Variants in NPSR1 observed in about 807,000 individuals in gnomAD.
NPSR1 encodes neuropeptide S receptor.
In NPSR1, 48 loss-of-function variants were observed where a neutral mutation model predicts 46.9. That is an observed-to-expected ratio of 1.02 (90% CI 0.81 to 1.30). The LOEUF is 1.30. Ranked by LOEUF, NPSR1 falls within the 50% of genes most tolerant of loss-of-function variation. NPSR1 has a pLI of 0.00. For missense variants in NPSR1, 450 were observed against 449.5 expected, an observed-to-expected ratio of 1.00 and a Z score of -0.01; for synonymous variants, 176 against 168.1, an observed-to-expected ratio of 1.05 and a Z score of -0.36.
intron 2 of NPSR1, among the ~76,000 whole-genome samples, chr7:34,770,219 T>A (rs1471221212): frequency 1.3e-5 from 2 of 152,216 alleles, no homozygotes; most frequent in East Asian, 3.8e-4. Context: ...AATATCCAAG[T>A]AACTCCCAAG....
chr7:34,678,884 A>C (rs1336603608), intron 1 of NPSR1, among the ~76,000 whole-genome samples: 1 of 152,174 alleles, frequency 6.6e-6, no homozygotes, highest in African/African-American at 2.4e-5. Flanking sequence ...TAAACAATGG[A>C]AAGCAGAATA....
At chr7:34,677,235 G>T (rs553467828) in intron 1 of NPSR1, among the ~76,000 whole-genome samples, 1 of 152,272 alleles carries the variant, frequency 6.6e-6, no homozygotes, top group Non-Finnish European at 1.5e-5. Context: ...GCCCACTGGG[G>T]ACCAGAAGCC....
downstream of NPSR1, among the ~76,000 whole-genome samples, chr7:34,853,769 A>T (rs1454576220): frequency 6.6e-6 from 1 of 152,138 alleles, no homozygotes; most frequent in African/African-American, 2.4e-5. Flanking sequence ...GTTCGAGACC[A>T]TCCCAGTCAA....
chr7:34,746,828 A>C (rs1785226299), intron 2 of NPSR1, among the ~76,000 whole-genome samples: 1 of 152,064 alleles, frequency 6.6e-6, no homozygotes, highest in Non-Finnish European at 1.5e-5. Context: ...CAAGAGCTTA[A>C]ACATGGAGGC....
chr7:34,852,428 G>A (rs13340537), downstream of NPSR1, among the ~76,000 whole-genome samples: 381 of 152,152 alleles, frequency 2.5e-3, no homozygotes, highest in African/African-American at 8.9e-3. Flanking sequence ...GGGCATTGAT[G>A]GTCTCATCTG....
chr7:34,871,722 A>T (rs1319971408), intron 8 of NPSR1: 2 of 151,982 alleles, frequency 1.3e-5, no homozygotes, highest in African/African-American at 4.9e-5. Context: ...ACCAAGAAGG[A>T]CAGTCATCAC....
chr7:34,742,281 T>C (rs1441379007), intron 2 of NPSR1, among the ~76,000 whole-genome samples: 1 of 152,106 alleles, frequency 6.6e-6, no homozygotes, highest in African/African-American at 2.4e-5. Flanking sequence ...TTAAGCCCAG[T>C]ACCCAATAGT....
intron 6 of NPSR1, among the ~76,000 whole-genome samples, chr7:34,842,409 T>A (rs1004347793): frequency 6.6e-6 from 1 of 152,196 alleles, no homozygotes; most frequent in Non-Finnish European, 1.5e-5. Flanking sequence ...GCCCTGTGCA[T>A]TGAAGGATGT....
At chr7:34,687,956 G>C (rs1044699029) in intron 2 of NPSR1, among the ~76,000 whole-genome samples, 4 of 152,146 alleles carry the variant, frequency 2.6e-5, no homozygotes, top group African/African-American at 4.8e-5. Context: ...AAACTGGAAG[G>C]CTGAAAACCT....
intron 2 of NPSR1, among the ~76,000 whole-genome samples, chr7:34,696,078 T>TTAA (rs1246926117): frequency 8.8e-6 from 1 of 113,890 alleles, no homozygotes; most frequent in Non-Finnish European, 1.9e-5. Flanking sequence ...GTTGATTTGA[T>TTAA]AAAAAAAAAA....
chr7:34,748,710 T>C (rs562542486), intron 2 of NPSR1, among the ~76,000 whole-genome samples: 2 of 152,142 alleles, frequency 1.3e-5, no homozygotes, highest in South Asian at 2.1e-4. Flanking sequence ...CTCTTTCAGT[T>C]TGTGTGCGTG....
At chr7:34,669,834 C>T (rs10280911) in intron 1 of NPSR1, among the ~76,000 whole-genome samples, 106 of 152,316 alleles carry the variant, frequency 7.0e-4, no homozygotes, top group African/African-American at 2.5e-3. Flanking sequence ...AGGACAAGAA[C>T]TGCAATCTCT....
At chr7:34,700,056 T>A (rs1779272441) in intron 2 of NPSR1, among the ~76,000 whole-genome samples, 2 of 151,982 alleles carry the variant, frequency 1.3e-5, no homozygotes, top group African/African-American at 4.8e-5. Flanking sequence ...CATGGCCAGG[T>A]TTTGCTGGTA....
intron 2 of NPSR1, among the ~76,000 whole-genome samples, chr7:34,712,024 G>A (rs1176137641): frequency 6.6e-6 from 1 of 152,166 alleles, no homozygotes; most frequent in Non-Finnish European, 1.5e-5. Flanking sequence ...ATCCTCATAT[G>A]ATCTGATCTC....
In NPSR1 at chr7:34,658,444, A is replaced by G. The variant is rs375686103; in HGVS notation, c.32A>G (p.Asp11Gly). The change falls in exon 1 of 9, where the codon GAT becomes GGT. Residue 11 changes from aspartate to glycine, a missense_variant. Coordinates refer to ENST00000360581, the MANE Select transcript of NPSR1 (RefSeq NM_207172.2). Reference protein sequence around the residue: MPANFTEGSFDSSGTGQTLDS... With the variant: MPANFTEGSFGSSGTGQTLDS... ...GCCAACTTCACAGAGGGCAGCTTCG[A>G]TTCCAGTGGGACCGGGCAGACGCTG... 2.8e-5 allele frequency: 45 copies of G among 1,614,056 alleles called. No homozygotes were observed. In the African/African-American group the frequency reaches 5.6e-4, roughly 20 times the overall value.
chr7:34,758,873 C>A (rs964537221), intron 2 of NPSR1, among the ~76,000 whole-genome samples: 1 of 152,132 alleles, frequency 6.6e-6, no homozygotes, highest in South Asian at 2.1e-4. Context: ...TTGCCATGTA[C>A]GTTTAGTGTT....
rs139810287 is a variant in NPSR1 at position 34,735,290 on chromosome 7, C to A, written c.281-43172C>A. On this transcript the variant is annotated intron_variant, in intron 2 of 8. Coordinates refer to ENST00000360581, the MANE Select transcript of NPSR1 (RefSeq NM_207172.2). ...TGGGTGACTCTATCCCCTCCCTGGTCTCCATTCATAGCCATGTGTGGAGGC... is the reference window on the plus strand; with the variant it reads ...TGGGTGACTCTATCCCCTCCCTGGTATCCATTCATAGCCATGTGTGGAGGC... Among the ~76,000 whole-genome samples the A allele has an allele frequency of 6.0e-4, 91 of 152,338 alleles. 1 individual carries two copies. In the East Asian group the frequency reaches 0.01, roughly 17 times the overall value.
At chr7:34,797,131 T>G (rs1788208831) in intron 3 of NPSR1, among the ~76,000 whole-genome samples, 1 of 152,124 alleles carries the variant, frequency 6.6e-6, no homozygotes, top group Admixed American at 6.6e-5. Context: ...TATGACATTC[T>G]GGAAAAGGCA....
At chr7:34,809,689 T>C (rs1406680418) in intron 3 of NPSR1, among the ~76,000 whole-genome samples, 1 of 152,078 alleles carries the variant, frequency 6.6e-6, no homozygotes, top group African/African-American at 2.4e-5. Context: ...GGTCTGGATC[T>C]CCTGACCTCG....
Sources: gnomAD v4.1 joint callset for allele counts (sites outside exome capture counted in the v4.1 genomes callset) on GRCh38, gnomAD v4.1.1 for gene constraint, MANE v1.5 for transcripts, NCBI Gene and HGNC (gene_info 2026-07-23, HGNC 2026-07-21) for gene names.